Variants in TMTC1 observed in about 807,000 individuals in gnomAD.
TMTC1 encodes the protein transmembrane O-mannosyltransferase targeting cadherins 1.
In TMTC1, 73 loss-of-function variants were observed where a neutral mutation model predicts 104.8. The observed-to-expected ratio is 0.70, with a 90% CI of 0.58 to 0.85. TMTC1 has a LOEUF of 0.85. Ranked by LOEUF, TMTC1 falls within the 40% of genes least tolerant of loss-of-function variation. The probability of loss-of-function intolerance (pLI) is 0.00; values close to 1 mark genes in which losing one functional copy is unlikely to be tolerated. For synonymous variants in TMTC1, 434 were observed against 428.7 expected, an observed-to-expected ratio of 1.01 and a Z score of -0.15; for missense variants, 1,035 against 1,096.1, an observed-to-expected ratio of 0.94 and a Z score of 0.79.
chr12:29,696,499 T>C (rs1222686980), intron 5 of TMTC1, among the ~76,000 whole-genome samples: 1 of 152,186 alleles, frequency 6.6e-6, no homozygotes, highest in Non-Finnish European at 1.5e-5. Context: ...ATTTTTAATA[T>C]ATACTGAGAA....
intron 6 of TMTC1, among the ~76,000 whole-genome samples, chr12:29,610,401 A>T (rs1946814903): frequency 6.6e-6 from 1 of 152,232 alleles, no homozygotes; most frequent in Non-Finnish European, 1.5e-5. Flanking sequence ...GAGCTCTGTT[A>T]TCTGGCAAAT....
chr12:29,573,273 A>C (rs1255178224), intron 8 of TMTC1, among the ~76,000 whole-genome samples: 2 of 152,190 alleles, frequency 1.3e-5, no homozygotes, highest in Non-Finnish European at 2.9e-5. Context: ...TGTATGAATG[A>C]AAGTGGTGGA....
At chr12:29,766,533 C>T (rs1943468377) in intron 2 of TMTC1, among the ~76,000 whole-genome samples, 1 of 152,126 alleles carries the variant, frequency 6.6e-6, no homozygotes, top group Admixed American at 6.5e-5. Flanking sequence ...TGGAGAATGC[C>T]TTGCTGACAC....
intron 11 of TMTC1, 44 bp downstream of exon 11, chr12:29,536,165 A>G (rs1263548838): frequency 8.1e-7 from 1 of 1,227,120 alleles, no homozygotes; most frequent in Admixed American, 1.7e-5. Context: ...TAATTTATAC[A>G]TGTAACAATA....
intron 10 of TMTC1, among the ~76,000 whole-genome samples, chr12:29,537,456 TA>T (rs1485107004): frequency 6.6e-6 from 1 of 152,240 alleles, no homozygotes; most frequent in Non-Finnish European, 1.5e-5. Context: ...CATGTTTATA[TA>T]AACAGTCTTC....
intron 11 of TMTC1, among the ~76,000 whole-genome samples, chr12:29,521,943 A>T (rs928168017): frequency 5.3e-5 from 8 of 151,956 alleles, no homozygotes; most frequent in African/African-American, 1.9e-4. Flanking sequence ...GGTGAAATTA[A>T]TTAATCAAAG....
At chr12:29,701,030 T>C (rs1941575343) in intron 5 of TMTC1, among the ~76,000 whole-genome samples, 1 of 143,094 alleles carries the variant, frequency 7.0e-6, no homozygotes. Flanking sequence ...ATTTCTTTCT[T>C]TTTTTTTTTT....
At chr12:29,775,516 C>A (rs1174307064) in intron 1 of TMTC1, among the ~76,000 whole-genome samples, 1 of 152,154 alleles carries the variant, frequency 6.6e-6, no homozygotes, top group African/African-American at 2.4e-5. Flanking sequence ...GGATACAAGT[C>A]AGGACCAATC....
chr12:29,571,000 T>C (rs897921688), intron 9 of TMTC1, among the ~76,000 whole-genome samples: 10 of 151,438 alleles, frequency 6.6e-5, no homozygotes, highest in Non-Finnish European at 1.5e-4. Flanking sequence ...TAAGCAATAT[T>C]CTTGTGTAAA....
chr12:29,710,795 C>A (rs1941885749), intron 5 of TMTC1, among the ~76,000 whole-genome samples: 1 of 92,178 alleles, frequency 1.1e-5, no homozygotes, highest in Admixed American at 1.4e-4. Context: ...TATATTAATA[C>A]ATAATGTATT....
chr12:29,687,272 C>T (rs887529630), intron 5 of TMTC1, among the ~76,000 whole-genome samples: 1 of 152,050 alleles, frequency 6.6e-6, no homozygotes, highest in Non-Finnish European at 1.5e-5. Flanking sequence ...CAAACAGACA[C>T]TTCATATGAT....
intron 9 of TMTC1, among the ~76,000 whole-genome samples, chr12:29,563,376 A>G (rs989397261): frequency 1.3e-5 from 2 of 152,172 alleles, no homozygotes; most frequent in African/African-American, 4.8e-5. Context: ...TCCTAGCATG[A>G]GTGCACTCTG....
intron 5 of TMTC1, among the ~76,000 whole-genome samples, chr12:29,705,096 G>A (rs1941703941): frequency 2.0e-5 from 3 of 152,122 alleles, no homozygotes; most frequent in African/African-American, 7.2e-5. Flanking sequence ...GCCTCAGAAG[G>A]CATGAGCACC....
rs1592140949 is a variant in TMTC1 at position 29,506,739 on chromosome 12, A to C, written c.*107T>G. On this transcript the variant is annotated 3_prime_UTR_variant, in exon 18 of 18. Coordinates refer to ENST00000539277, the MANE Select transcript of TMTC1 (RefSeq NM_001193451.2). Reference sequence around the variant, plus strand: ...AATGTGTCACCCTGAACTCGGAATGAGAGAAAATCTCATTAGTTGTGCCCC... The same window carrying C: ...AATGTGTCACCCTGAACTCGGAATGCGAGAAAATCTCATTAGTTGTGCCCC... 7.1e-7 allele frequency: 1 copy of C among 1,407,604 alleles called. No individual in the cohort carries two copies. The highest frequency in any genetic ancestry group is 2.3e-5 in the East Asian group (1 of 43,582). 87.2% of individuals were successfully genotyped at this position (1,407,604 alleles called of 1,614,324 possible). A position where few individuals can be genotyped will look rare whatever the true frequency, so the allele number is the denominator to read the frequency against.
At chr12:29,602,541 T>G (rs1946595490) in intron 7 of TMTC1, among the ~76,000 whole-genome samples, 1 of 152,182 alleles carries the variant, frequency 6.6e-6, no homozygotes, top group African/African-American at 2.4e-5. Context: ...ATCACGATCA[T>G]GTTTAAGCCA....
At chr12:29,744,332 T>C (rs1379769680) in intron 5 of TMTC1, among the ~76,000 whole-genome samples, 3 of 152,222 alleles carry the variant, frequency 2.0e-5, no homozygotes, top group South Asian at 2.1e-4. Flanking sequence ...CACACCAACA[T>C]GGCACATGTA....
At chr12:29,540,501 C>A (rs190980350) in intron 10 of TMTC1, among the ~76,000 whole-genome samples, 13 of 152,268 alleles carry the variant, frequency 8.5e-5, no homozygotes, top group African/African-American at 3.1e-4. Flanking sequence ...TAGACCGTTC[C>A]ATTGAGGCCA....
chr12:29,656,202 T>C (rs933043285), intron 5 of TMTC1, among the ~76,000 whole-genome samples: 1 of 151,988 alleles, frequency 6.6e-6, no homozygotes, highest in African/African-American at 2.4e-5. Context: ...GTAGGAACTT[T>C]ACTCGGGAAA....
At chr12:29,600,210 A>G (rs1946528443) in intron 7 of TMTC1, among the ~76,000 whole-genome samples, 1 of 151,890 alleles carries the variant, frequency 6.6e-6, no homozygotes, top group Non-Finnish European at 1.5e-5. Context: ...CAGTGCTCTG[A>G]CACATCCACG....
Sources: gnomAD v4.1 joint callset for allele counts (sites outside exome capture counted in the v4.1 genomes callset) on GRCh38, gnomAD v4.1.1 for gene constraint, MANE v1.5 for transcripts, NCBI Gene and HGNC (gene_info 2026-07-23, HGNC 2026-07-21) for gene names.